Variants in LGI1 observed in about 807,000 individuals in gnomAD.
LGI1 encodes the protein leucine rich glioma inactivated 1, also known as leucine-rich glioma-inactivated protein 1.
In LGI1, 11 loss-of-function variants were observed where a neutral mutation model predicts 57.7. The ratio of observed to expected loss-of-function variants is 0.19; its 90% CI spans 0.12 to 0.32. The LOEUF (loss-of-function observed/expected upper bound fraction) is 0.32, where lower values mean the gene tolerates loss of function less well. Among genes scored for constraint, LGI1 ranks in the 10% least tolerant of loss-of-function variants. The pLI is 1.00. For missense variants in LGI1, 422 were observed against 661.9 expected (o/e 0.64, Z 3.98); for synonymous variants, 222 against 241.9 (o/e 0.92, Z 0.76).
chr10:93,761,750 A>C (rs2059625868), intron 2 of LGI1, among the ~76,000 whole-genome samples: 1 of 152,206 alleles, frequency 6.6e-6, no homozygotes, highest in Non-Finnish European at 1.5e-5. Context: ...GATTAGTTGT[A>C]ATATACATTT....
chr10:93,775,152 A>G (rs1320249064), intron 2 of LGI1, among the ~76,000 whole-genome samples: 7 of 152,186 alleles, frequency 4.6e-5, no homozygotes, highest in African/African-American at 7.2e-5. Flanking sequence ...TACAAAGTGA[A>G]TACCCTTGTA....
intron 2 of LGI1, among the ~76,000 whole-genome samples, chr10:93,773,267 G>A (rs2059757651): frequency 1.3e-5 from 2 of 152,128 alleles, no homozygotes; most frequent in African/African-American, 4.8e-5. Context: ...GAGCTGAGTG[G>A]TGTTATTATG....
intron 2 of LGI1, chr10:93,771,361 C>T (rs144911324): frequency 6.6e-6 from 1 of 152,174 alleles, no homozygotes; most frequent in African/African-American, 2.4e-5. Flanking sequence ...AGAATGAAAT[C>T]ATGTCTTTTG....
chr10:93,783,183 T>C (rs1184306709), intron 4 of LGI1: 1 of 151,918 alleles, frequency 6.6e-6, no homozygotes, highest in Non-Finnish European at 1.5e-5. Context: ...GAGACCATCC[T>C]GGCTAACACG....
At chr10:93,779,390 G>C (rs1359464160) in intron 4 of LGI1, among the ~76,000 whole-genome samples, 1 of 114,838 alleles carries the variant, frequency 8.7e-6, no homozygotes, top group Non-Finnish European at 1.6e-5. Context: ...AGGAGGGAAG[G>C]AAAGAAAGAA....
chr10:93,791,623 TA>T (rs1273406909), intron 5 of LGI1: 1 of 152,218 alleles, frequency 6.6e-6, no homozygotes, highest in Non-Finnish European at 1.5e-5. Flanking sequence ...TTTGGGCGTT[TA>T]AAAATTATTT....
chr10:93,775,276 C>T (rs902759431), intron 2 of LGI1, among the ~76,000 whole-genome samples: 5 of 152,160 alleles, frequency 3.3e-5, no homozygotes, highest in South Asian at 4.1e-4. Context: ...ATTCTAGCAG[C>T]ATAGATTAGT....
intron 2 of LGI1, chr10:93,762,547 A>G (rs750076117): frequency 9.9e-5 from 15 of 152,178 alleles, no homozygotes; most frequent in Admixed American, 1.3e-4. Flanking sequence ...GCAGTCTTCA[A>G]TGACCACTCA....
At chr10:93,789,529 G>C (rs1232255376) in intron 4 of LGI1, 1 of 155,352 alleles carries the variant, frequency 6.4e-6, no homozygotes, top group African/African-American at 2.4e-5. Flanking sequence ...AATCTCTCGT[G>C]TTCTGTTCTA....
rs879881779 is a variant in LGI1, at chr10:93,785,053, AAAT to A, written c.432-5042_432-5040del. ...CTTTCCAACTTTTCTTGAAGTGAAG[AAAT>A]AATTATTATTCCATATATATGTGCA... On this transcript the variant is annotated intron_variant, in intron 4 of 7. Transcript: ENST00000371418. 5.3e-5 allele frequency among the ~76,000 whole-genome samples: 8 copies of A among 152,208 alleles called. No individual in the cohort carries two copies. The South Asian group carries it at 1.2e-3, about 24-fold the overall frequency.
In LGI1 at chr10:93,785,792, A is replaced by G. The variant is rs2059890765; in HGVS notation, c.432-4307A>G. On this transcript the variant is annotated intron_variant, in intron 4 of 7. Transcript: ENST00000371418. Reference sequence around the variant, plus strand: ...GAAGAATCAAATAATCCTAATATCAACCCTAAAATAACCCTAACCCTAACC... The same window carrying G: ...GAAGAATCAAATAATCCTAATATCAGCCCTAAAATAACCCTAACCCTAACC... 1.1e-4 allele frequency among the ~76,000 whole-genome samples: 2 copies of G among 18,038 alleles called. 1 individual carries two copies. The highest frequency in any genetic ancestry group is 5.5e-3 in the Admixed American group (2 of 366). 11.8% of individuals were successfully genotyped at this position (18,038 alleles called of 152,430 possible). A position where few individuals can be genotyped will look rare whatever the true frequency, so the allele number is the denominator to read the frequency against.
At chr10:93,759,286 T>C (rs2059598663) in intron 2 of LGI1, 1 of 170,962 alleles carries the variant, frequency 5.8e-6, no homozygotes, top group African/African-American at 2.4e-5. Flanking sequence ...CCTCAGCTCT[T>C]TCTAGGTAAT....
At chr10:93,787,163 A>T (rs112637522) in intron 4 of LGI1, among the ~76,000 whole-genome samples, 2,425 of 152,152 alleles carry the variant, frequency 0.016, 58 homozygotes, top group African/African-American at 0.055. Flanking sequence ...TCACTCACCA[A>T]ACCTAGACAT....
At chr10:93,761,047 C>T (rs945889428) in intron 2 of LGI1, among the ~76,000 whole-genome samples, 5 of 152,282 alleles carry the variant, frequency 3.3e-5, no homozygotes, top group African/African-American at 4.8e-5. Flanking sequence ...TCTCTGCTTC[C>T]GCCTATCCTC....
chr10:93,782,379 G>A (rs2059854213), intron 4 of LGI1, among the ~76,000 whole-genome samples: 1 of 152,200 alleles, frequency 6.6e-6, no homozygotes, highest in African/African-American at 2.4e-5. Flanking sequence ...GCATTTAAGA[G>A]TATTAGTGCC....
chr10:93,773,969 T>C (rs1364504445), intron 2 of LGI1, among the ~76,000 whole-genome samples: 1 of 152,154 alleles, frequency 6.6e-6, no homozygotes, highest in Non-Finnish European at 1.5e-5. Context: ...GATGGTACAT[T>C]GGTTTCATAA....
chr10:93,775,858 A>C (rs890427822), intron 2 of LGI1: 4 of 152,172 alleles, frequency 2.6e-5, no homozygotes, highest in Non-Finnish European at 5.9e-5. Context: ...ATTTGTGTGT[A>C]CCAATTTCTT....
chr10:93,775,200 C>T (rs556131066), intron 2 of LGI1, among the ~76,000 whole-genome samples: 2 of 152,250 alleles, frequency 1.3e-5, no homozygotes, highest in South Asian at 2.1e-4. Flanking sequence ...ATTATCATTA[C>T]CCCAAAAGAT....
At chr10:93,783,101 G>A (rs994622306) in intron 4 of LGI1, 1 of 152,316 alleles carries the variant, frequency 6.6e-6, no homozygotes, top group African/African-American at 2.4e-5. Context: ...TTTCTGGCCA[G>A]GTGCGGTGGC....
Sources: allele counts gnomAD v4.1 joint callset (sites outside exome capture counted in the v4.1 genomes callset), GRCh38; gene constraint gnomAD v4.1.1; transcripts MANE v1.5; gene names NCBI Gene and HGNC (gene_info 2026-07-23, HGNC 2026-07-21).